Variants in PMFBP1 observed in about 807,000 individuals in gnomAD.
PMFBP1 encodes polyamine-modulated factor 1-binding protein 1.
In PMFBP1, 131 loss-of-function variants were observed where a neutral mutation model predicts 137.8. The observed-to-expected ratio is 0.95, with a 90% CI of 0.82 to 1.10. The LOEUF is 1.10. PMFBP1 is among the 50% of genes least tolerant of loss of function. The pLI is 0.00. For missense variants in PMFBP1, 1,199 were observed against 1,175.4 expected (o/e 1.02, Z -0.29); for synonymous variants, 490 against 450.4 (o/e 1.09, Z -1.11).
At chr16:72,135,284 T>G (rs1169595715) in intron 9 of PMFBP1, among the ~76,000 whole-genome samples, 1 of 151,872 alleles carries the variant, frequency 6.6e-6, no homozygotes, top group Non-Finnish European at 1.5e-5. Flanking sequence ...CAAGCCATTC[T>G]CCTGCCTCAG....
chr16:72,157,295 A>G (rs909055575), intron 3 of PMFBP1, among the ~76,000 whole-genome samples: 3 of 152,018 alleles, frequency 2.0e-5, no homozygotes, highest in African/African-American at 7.3e-5. Context: ...GTGTATTAGA[A>G]GGACAAAATG....
At chr16:72,168,183 T>G (rs2043172764) in intron 2 of PMFBP1, among the ~76,000 whole-genome samples, 1 of 152,224 alleles carries the variant, frequency 6.6e-6, no homozygotes, top group Non-Finnish European at 1.5e-5. Context: ...GGATGTCAAG[T>G]GAAATTTACT....
At chr16:72,201,472 C>T in the PMFBP1 span, among the ~76,000 whole-genome samples, 1 of 152,182 alleles carries the variant, frequency 6.6e-6, no homozygotes, top group Admixed American at 6.5e-5. Context: ...TCCTGTATGC[C>T]TCCTCTGAAT....
At chr16:72,138,563 T>C (rs1338278391) in intron 7 of PMFBP1, among the ~76,000 whole-genome samples, 1 of 152,220 alleles carries the variant, frequency 6.6e-6, no homozygotes, top group Admixed American at 6.5e-5. Context: ...TGGCCCAGGC[T>C]GGAGTGCAGT....
intron 5 of PMFBP1, among the ~76,000 whole-genome samples, chr16:72,147,149 C>G (rs1417258013): frequency 6.6e-6 from 1 of 151,942 alleles, no homozygotes; most frequent in African/African-American, 2.4e-5. Flanking sequence ...GTAACCAAAA[C>G]AGCATGGTAC....
At chr16:72,152,795 A>T (rs1035920456) in intron 4 of PMFBP1, among the ~76,000 whole-genome samples, 1 of 151,046 alleles carries the variant, frequency 6.6e-6, no homozygotes, top group Admixed American at 6.6e-5. Flanking sequence ...CAGAGAGCCA[A>T]GATCGGGCCA....
chr16:72,232,514 C>T, the PMFBP1 span, among the ~76,000 whole-genome samples: 1 of 152,134 alleles, frequency 6.6e-6, no homozygotes, highest in Non-Finnish European at 1.5e-5. Flanking sequence ...TTATTTCTTA[C>T]CACTTAAAAT....
the PMFBP1 span, among the ~76,000 whole-genome samples, chr16:72,189,835 T>C: frequency 6.6e-6 from 1 of 152,074 alleles, no homozygotes; most frequent in South Asian, 2.1e-4. Context: ...TTTTAATGGA[T>C]AATTTGGTGG....
At chr16:72,171,160 T>C (rs963171012) in intron 2 of PMFBP1, 37 bp downstream of exon 2, 10 of 1,605,386 alleles carry the variant, frequency 6.2e-6, no homozygotes, top group Non-Finnish European at 7.7e-6. Flanking sequence ...GTAATGAATA[T>C]TCAACTCCAT....
At chr16:72,139,942 C>T (rs1350543804) in intron 6 of PMFBP1, among the ~76,000 whole-genome samples, 1 of 152,114 alleles carries the variant, frequency 6.6e-6, no homozygotes, top group Non-Finnish European at 1.5e-5. Context: ...AGGGAGAGGA[C>T]AGTATTGAAA....
chr16:72,141,381 T>C (rs887166728), intron 5 of PMFBP1, among the ~76,000 whole-genome samples: 2 of 152,248 alleles, frequency 1.3e-5, no homozygotes, highest in Non-Finnish European at 2.9e-5. Flanking sequence ...TATATTTATA[T>C]TGTCTCTCTA....
In PMFBP1 at chr16:72,136,775, A is replaced by C. The variant is rs2042639185; in HGVS notation, c.963T>G (p.His321Gln). 6.2e-7 allele frequency: 1 copy of C among 1,613,938 alleles called. No individual in the cohort carries two copies. Among genetic ancestry groups the C allele is most frequent in the Admixed American group, 1.7e-5 (1 of 59,992 alleles). Residue 321 changes from histidine to glutamine, a missense_variant, in exon 8 of 21, where the codon CAT becomes CAG. Coordinates refer to ENST00000237353, the MANE Select transcript of PMFBP1 (RefSeq NM_031293.3). ...TCACCAGGTTCTGGTACTCCTCCAC[A>C]TGCAGGCACTGGCTGTCTTTCTGCT... is the stretch of plus-strand genomic sequence containing the variant. Reference protein sequence around the residue: ...LQEQKDSQCLHVEEYQNLVKD... With the variant: ...LQEQKDSQCLQVEEYQNLVKD...
In PMFBP1 at chr16:72,125,267, G is replaced by A. The variant is rs184809161; in HGVS notation, c.2392C>T (p.Arg798Trp). The A allele has an allele frequency of 2.9e-5, 47 of 1,613,924 alleles. No homozygotes were observed. The highest frequency in any genetic ancestry group is 2.3e-4 in the African/African-American group (17 of 74,998). ...AGCTCACTCTCCTGGTGGAAGCCCC[G>A]CAGTTTTCTTAATTCCGTATTGAGC... is the stretch of plus-strand genomic sequence containing the variant. Reference protein sequence around the residue: ...KKLNTELRKLRGFHQESELEV... With the variant: ...KKLNTELRKLWGFHQESELEV... The change falls in exon 16 of 21, where the codon CGG (arginine) becomes TGG (tryptophan). Residue 798 changes from arginine to tryptophan, a missense_variant. Transcript: ENST00000237353.
At chr16:72,242,338 A>G in the PMFBP1 span, among the ~76,000 whole-genome samples, 1 of 152,238 alleles carries the variant, frequency 6.6e-6, no homozygotes, top group Non-Finnish European at 1.5e-5. Context: ...AAAGAATGAG[A>G]GGGAAAAATA....
At chr16:72,143,477 TTG>T in intron 5 of PMFBP1, among the ~76,000 whole-genome samples, 1 of 152,178 alleles carries the variant, frequency 6.6e-6, no homozygotes, top group East Asian at 1.9e-4. Flanking sequence ...GCGTGGTGGC[TTG>T]CACCTGTAAT....
the PMFBP1 span, among the ~76,000 whole-genome samples, chr16:72,239,915 A>AAAAG: frequency 0.015 from 2,230 of 144,858 alleles, 57 homozygotes; most frequent in Non-Finnish European, 0.025. Context: ...AAAAAAAAAA[A>AAAAG]AAGAATGTTC....
In PMFBP1 at chr16:72,119,353, A is replaced by T. The variant is rs755541885; in HGVS notation, c.3009T>A (p.Gly1003=). The stretch of plus-strand genomic sequence containing the variant: ...GATGTGGATTCTAGCAGTATGAGGA[A>T]CCTGAGGGAACAGGGAGGAAATGAG... ...TKYIGMPHCP[G]SSYC The change falls in exon 21 of 21, where the codon GGT becomes GGA. Residue 1003 remains glycine, a splice_region_variant and synonymous_variant. Coordinates refer to ENST00000237353, the MANE Select transcript of PMFBP1 (RefSeq NM_031293.3). The T allele has an allele frequency of 6.2e-7, 1 of 1,614,182 alleles. No homozygotes were observed. Among genetic ancestry groups the T allele is most frequent in the Non-Finnish European group, 8.5e-7 (1 of 1,179,994 alleles).
chr16:72,155,112 T>TTTCA (rs533451180), intron 3 of PMFBP1, among the ~76,000 whole-genome samples: 16 of 152,222 alleles, frequency 1.1e-4, no homozygotes, highest in Middle Eastern at 3.4e-3. Context: ...CATCCTTCAT[T>TTTCA]TTCATTCATT....
chr16:72,215,488 A>C, the PMFBP1 span, among the ~76,000 whole-genome samples: 1 of 152,216 alleles, frequency 6.6e-6, no homozygotes, highest in African/African-American at 2.4e-5. Flanking sequence ...AGGGAAAATA[A>C]TTGACAACCC....
Sources: gnomAD v4.1 joint callset for allele counts (sites outside exome capture counted in the v4.1 genomes callset) on GRCh38, gnomAD v4.1.1 for gene constraint, MANE v1.5 for transcripts, NCBI Gene and HGNC (gene_info 2026-07-23, HGNC 2026-07-21) for gene names.